Variants in ADCY10 observed in about 807,000 individuals in gnomAD.
ADCY10 encodes adenylate cyclase type 10.
ADCY10 carries 156 observed loss-of-function variants against 183.3 expected under a neutral mutation model. The observed-to-expected ratio is 0.85, with a 90% CI of 0.75 to 0.97. ADCY10 has a LOEUF of 0.97. Among genes scored for constraint, ADCY10 ranks in the 50% least tolerant of loss-of-function variants. The pLI is 0.00. For missense variants in ADCY10, 1,745 were observed against 1,934.3 expected, an observed-to-expected ratio of 0.90 and a Z score of 1.84; for synonymous variants, 645 against 670.0, an observed-to-expected ratio of 0.96 and a Z score of 0.58.
At chr1:167,909,258 A>T (rs1387387277) in intron 1 of ADCY10, among the ~76,000 whole-genome samples, 1 of 152,200 alleles carries the variant, frequency 6.6e-6, no homozygotes, top group African/African-American at 2.4e-5. Flanking sequence ...GATGGAATAT[A>T]CCACAAAACA....
At chr1:167,872,170 C>G (rs1217407752) in intron 13 of ADCY10, among the ~76,000 whole-genome samples, 1 of 152,068 alleles carries the variant, frequency 6.6e-6, no homozygotes, top group African/African-American at 2.4e-5. Context: ...GAAACCCCGT[C>G]TCTATTAAAA....
rs375001644 is a variant in ADCY10 at position 167,870,638 on chromosome 1, C to A, written c.1463-228G>T. On this transcript the variant is annotated intron_variant, in intron 13 of 32. Coordinates refer to ENST00000367851, the MANE Select transcript of ADCY10 (RefSeq NM_018417.6). ...TGAAACCCTGCCTCTACTGAAAATA[C>A]AAAAAAAAAAAAAAAAAAAAATTAG... Among the ~76,000 whole-genome samples, 1,012 of 92,992 alleles carry A rather than the reference C, an allele frequency of 0.011. No homozygotes were observed. Among genetic ancestry groups the A allele is most frequent in the Non-Finnish European group, 0.012 (589 of 48,606 alleles). The allele number at this position is 92,992 out of a possible 152,430, so 61.0% of individuals were successfully genotyped here.
intron 3 of ADCY10, 85 bp downstream of exon 3, chr1:167,903,802 G>T: frequency 2.1e-6 from 2 of 968,790 alleles, no homozygotes; most frequent in South Asian, 1.3e-5. Context: ...CTAAGCAATT[G>T]TACTCTATCA....
At position 167,837,381 on chromosome 1, in the gene ADCY10, C is replaced by T. The variant is rs992499080; in HGVS notation, c.3008-63G>A. 9 of 1,399,656 alleles carry T rather than the reference C, an allele frequency of 6.4e-6. No individual in the cohort carries two copies. In the African/African-American group the frequency reaches 1.3e-4, roughly 20 times the overall value. 86.7% of individuals were successfully genotyped at this position (1,399,656 alleles called of 1,614,324 possible). A position where few individuals can be genotyped will look rare whatever the true frequency, so the allele number is the denominator to read the frequency against. ...ATGTTCTCTGCAGTGGAGATATCTG[C>T]TGTCTACCCAAGACTCTTGTTCCCT... On this transcript the variant is annotated intron_variant, in intron 21 of 32. Transcript: ENST00000367851.
intron 8 of ADCY10, 85 bp downstream of exon 8, chr1:167,893,768 C>G: frequency 5.7e-5 from 36 of 632,968 alleles, no homozygotes; most frequent in Middle Eastern, 2.8e-4. Context: ...CTAGTAGCTG[C>G]TGTTTTTTTT....
rs1558155814 is a variant in ADCY10 at position 167,829,305 on chromosome 1, G to A, written c.3712C>T (p.Gln1238Ter). ...TGAGTTTCCAGTGCAGTATTCATTTGCATCATAACTGCCAGGTGGGCATAA... is the reference window on the plus strand; with the variant it reads ...TGAGTTTCCAGTGCAGTATTCATTTACATCATAACTGCCAGGTGGGCATAA... ...KYYAHLAVMM[Q>*]MNTALETQNC... The change falls in exon 26 of 33, where the codon CAA (glutamine) becomes TAA (stop). Residue 1238 changes from glutamine (Q) to a stop codon, truncating the protein, a stop_gained. Coordinates refer to ENST00000367851, the MANE Select transcript of ADCY10 (RefSeq NM_018417.6). LOFTEE classifies it high-confidence loss of function. 6.2e-7 allele frequency: 1 copy of A among 1,614,078 alleles called. No individual in the cohort carries two copies.
intron 13 of ADCY10, among the ~76,000 whole-genome samples, chr1:167,874,775 A>G (rs938234084): frequency 6.6e-6 from 1 of 152,238 alleles, no homozygotes; most frequent in Non-Finnish European, 1.5e-5. Flanking sequence ...GGAATACTAC[A>G]TAGTAATGAC....
rs146392732 is a variant in ADCY10, at chr1:167,816,003, T to C, written c.4482+2069A>G. Among the ~76,000 whole-genome samples, 67 of 151,224 alleles carry C rather than the reference T, an allele frequency of 4.4e-4. 1 individual carries two copies. The East Asian group carries it at 0.012, about 27-fold the overall frequency. ...AGCAAAGACTAGAAAAGAAAAACCATAACAGAATATCCAAGGATTGTGGGA... is the reference window on the plus strand; with the variant it reads ...AGCAAAGACTAGAAAAGAAAAACCACAACAGAATATCCAAGGATTGTGGGA... On this transcript the variant is annotated intron_variant, in intron 31 of 32. Coordinates refer to ENST00000367851, the MANE Select transcript of ADCY10 (RefSeq NM_018417.6).
rs770246474 is a variant in ADCY10 at position 167,870,427 on chromosome 1, T to C, written c.1463-17A>G. ...TATTACGTCCTGTTATTTTTAGTTT[T>C]AAAAAAGAGCAAACTCAATCAACGT... is the stretch of plus-strand genomic sequence containing the variant. On this transcript the variant is annotated splice_polypyrimidine_tract_variant and intron_variant, in intron 13 of 32. Coordinates refer to ENST00000367851, the MANE Select transcript of ADCY10 (RefSeq NM_018417.6). 1.3e-6 allele frequency: 2 copies of C among 1,591,892 alleles called. No individual in the cohort carries two copies. The highest frequency in any genetic ancestry group is 4.5e-5 in the East Asian group (2 of 44,734).
intron 5 of ADCY10, among the ~76,000 whole-genome samples, chr1:167,900,689 C>T (rs1271966231): frequency 6.6e-6 from 1 of 152,110 alleles, no homozygotes; most frequent in African/African-American, 2.4e-5. Flanking sequence ...CCCGCCATCA[C>T]GCCTGGCTAA....
chr1:167,867,196 A>G (rs203810), intron 14 of ADCY10, among the ~76,000 whole-genome samples: 8,355 of 152,234 alleles, frequency 0.055, 687 homozygotes, highest in African/African-American at 0.18. Flanking sequence ...CCCAACCTCC[A>G]AAACCATCCT....
At chr1:167,874,621 C>G in intron 13 of ADCY10, among the ~76,000 whole-genome samples, 1 of 152,142 alleles carries the variant, frequency 6.6e-6, no homozygotes, top group East Asian at 1.9e-4. Flanking sequence ...CTACCTTGTA[C>G]TCAACAGAAA....
intron 2 of ADCY10, 185 bp downstream of exon 2, chr1:167,904,808 G>C (rs1669702171): frequency 6.9e-6 from 5 of 723,146 alleles, no homozygotes; most frequent in Admixed American, 2.2e-5. Flanking sequence ...CTGAGTAAGG[G>C]AGGATGAGAG....
At position 167,833,080 on chromosome 1, in the gene ADCY10, T is replaced by C. The variant is rs1169987725; in HGVS notation, c.3500A>G (p.Tyr1167Cys). 3.7e-6 allele frequency: 6 copies of C among 1,614,058 alleles called. No individual in the cohort carries two copies. Among genetic ancestry groups the C allele is most frequent in the Non-Finnish European group, 5.1e-6 (6 of 1,180,040 alleles). ...ALKLLNRIFP[Y>C]NLISLFLHIH... Reference sequence around the variant, plus strand: ...ATGGAGAAACAAGGAGATTAAGTTGTAAGGAAAGATTCGGTTGAGGAGCTT... The same window carrying C: ...ATGGAGAAACAAGGAGATTAAGTTGCAAGGAAAGATTCGGTTGAGGAGCTT... The change falls in exon 25 of 33, where the codon TAC becomes TGC. Residue 1167 changes from tyrosine (Y) to cysteine (C), a missense_variant. Tyr to Cys is a radical substitution (Grantham distance 194). Transcript: ENST00000367851.
intron 13 of ADCY10, among the ~76,000 whole-genome samples, chr1:167,872,050 A>G (rs1163375982): frequency 2.6e-5 from 4 of 152,102 alleles, no homozygotes; most frequent in African/African-American, 9.6e-5. Context: ...AAAAAATAAT[A>G]AAGTTTCCAG....
At chr1:167,907,005 T>C (rs1289277560) in intron 1 of ADCY10, among the ~76,000 whole-genome samples, 1 of 152,114 alleles carries the variant, frequency 6.6e-6, no homozygotes, top group East Asian at 1.9e-4. Context: ...CCATGGAGGA[T>C]TGAAAAGTAT....
Position 167,845,627 on chromosome 1 carries a change from A to T in ADCY10, c.2943T>A (p.Asn981Lys), listed in dbSNP as rs755300586. 5 of 1,614,266 alleles carry T rather than the reference A, an allele frequency of 3.1e-6. No homozygotes were observed. Among genetic ancestry groups the T allele is most frequent in the Non-Finnish European group, 4.2e-6 (5 of 1,180,040 alleles). The change falls in exon 21 of 33, where the codon AAT (asparagine) becomes AAA (lysine). Residue 981 changes from asparagine to lysine, a missense_variant. Physicochemically the swap from Asn to Lys is moderately conservative, Grantham distance 94. Transcript: ENST00000367851. ...DFIPYHHFTV[N>K]IRLNALDMDA... The stretch of plus-strand genomic sequence containing the variant: ...CCATGTCTAAAGCGTTGAGCCGAAT[A>T]TTCACTGTGAAGTGATGATAGGGAA...
chr1:167,883,691 C>G, intron 8 of ADCY10, 63 bp from the exon 9 acceptor site: 1 of 1,502,610 alleles, frequency 6.7e-7, no homozygotes, highest in Non-Finnish European at 9.3e-7. Context: ...CCCAACACCG[C>G]CCCCACCTCA....
In ADCY10 at chr1:167,896,639, T is replaced by C; in HGVS notation, c.695A>G (p.Lys232Arg). Residue 232 changes from lysine (K) to arginine (R), a missense_variant, in exon 7 of 33, where the codon AAG (lysine) becomes AGG (arginine). By Grantham distance (26) the Lys-to-Arg change is conservative. Transcript: ENST00000367851. ...PNFNFDEFFTKCTTFMHYYPS... is the reference protein window; with the variant it reads ...PNFNFDEFFTRCTTFMHYYPS... Reference sequence around the variant, plus strand: ...ATAATAATGCATGAAGGTCGTACACTTTGTGAAAAATTCATCAAAATTAAA... The same window carrying C: ...ATAATAATGCATGAAGGTCGTACACCTTGTGAAAAATTCATCAAAATTAAA... 6.2e-7 allele frequency: 1 copy of C among 1,613,836 alleles called. No individual in the cohort carries two copies. Among genetic ancestry groups the C allele is most frequent in the Non-Finnish European group, 8.5e-7 (1 of 1,179,724 alleles).
Sources: allele counts gnomAD v4.1 joint callset (sites outside exome capture counted in the v4.1 genomes callset), GRCh38; gene constraint gnomAD v4.1.1; transcripts MANE v1.5; gene names NCBI Gene and HGNC (gene_info 2026-07-23, HGNC 2026-07-21).